TAFA1: variants seen among roughly 807,000 people sequenced by gnomAD.
The protein encoded by TAFA1 is TAFA chemokine like family member 1, also known as chemokine-like protein TAFA-1.
Under a neutral mutation model 18.5 loss-of-function variants are expected in TAFA1, and 4 were observed. The observed-to-expected ratio is 0.22, with a 90% CI of 0.11 to 0.49. The LOEUF (loss-of-function observed/expected upper bound fraction) is 0.49, where lower values mean the gene tolerates loss of function less well. TAFA1 is among the 20% of genes least tolerant of loss of function. TAFA1 has a pLI of 0.98. For missense variants in TAFA1, 147 were observed against 169.0 expected (o/e 0.87, Z 0.72); for synonymous variants, 56 against 55.2 (o/e 1.01, Z -0.06).
At chr3:68,370,516 A>ATG (rs2069683821) in intron 2 of TAFA1, among the ~76,000 whole-genome samples, 4 of 106,388 alleles carry the variant, frequency 3.8e-5, no homozygotes, top group African/African-American at 1.1e-4. Context: ...ATATATATAT[A>ATG]CCCACATATG....
intron 2 of TAFA1, among the ~76,000 whole-genome samples, chr3:68,322,040 G>A (rs1450513968): frequency 6.6e-6 from 1 of 152,104 alleles, no homozygotes; most frequent in East Asian, 1.9e-4. Context: ...ACCTTACTGT[G>A]CAATTTATAA....
chr3:68,036,927 C>A (rs1705061983), intron 2 of TAFA1, among the ~76,000 whole-genome samples: 1 of 152,162 alleles, frequency 6.6e-6, no homozygotes, highest in Non-Finnish European at 1.5e-5. Context: ...TTATTGAGCA[C>A]TTATCTAACA....
rs1005367495 is a variant in TAFA1 at position 68,417,350 on chromosome 3, A to G, written c.189A>G (p.Gln63=). 6.2e-7 allele frequency: 1 copy of G among 1,613,350 alleles called. No individual in the cohort carries two copies. The highest frequency in any genetic ancestry group is 1.3e-5 in the African/African-American group (1 of 74,842). ...AGAATCGCATTGAGGAGCGGTCACA[A>G]ACAGTAAAGTGTTCCTGTCTACCTG... is the stretch of plus-strand genomic sequence containing the variant. The part of the protein sequence containing the change: ...CNKNRIEERS[Q]TVKCSCLPGK... Residue 63 remains glutamine, a synonymous_variant, in exon 3 of 5, where the codon CAA becomes CAG. Transcript: ENST00000478136.
At chr3:68,480,296 G>A (rs896625630) in intron 3 of TAFA1, among the ~76,000 whole-genome samples, 1 of 151,980 alleles carries the variant, frequency 6.6e-6, no homozygotes, top group African/African-American at 2.4e-5. Flanking sequence ...CCAGCTACTT[G>A]GGAGGCTGAG....
chr3:68,424,023 A>C (rs879562412), intron 3 of TAFA1, among the ~76,000 whole-genome samples: 1 of 152,108 alleles, frequency 6.6e-6, no homozygotes, highest in Non-Finnish European at 1.5e-5. Flanking sequence ...AGGTTACATC[A>C]GAAAACTTTC....
At chr3:68,466,098 G>A (rs1318538731) in intron 3 of TAFA1, among the ~76,000 whole-genome samples, 1 of 151,970 alleles carries the variant, frequency 6.6e-6, no homozygotes, top group Admixed American at 6.6e-5. Flanking sequence ...CTACTTCTGG[G>A]CACATGATAG....
At chr3:68,241,043 T>C (rs917472272) in intron 2 of TAFA1, among the ~76,000 whole-genome samples, 5 of 152,186 alleles carry the variant, frequency 3.3e-5, no homozygotes, top group African/African-American at 1.2e-4. Context: ...AACACCACTA[T>C]AGATATAAAT....
At chr3:68,519,792 C>T (rs543463460) in intron 3 of TAFA1, among the ~76,000 whole-genome samples, 24 of 152,262 alleles carry the variant, frequency 1.6e-4, no homozygotes, top group African/African-American at 5.5e-4. Flanking sequence ...TCCATGAGGG[C>T]TCCACTTTCA....
intron 3 of TAFA1, among the ~76,000 whole-genome samples, chr3:68,493,047 A>T (rs1183546516): frequency 6.6e-6 from 1 of 152,198 alleles, no homozygotes; most frequent in African/African-American, 2.4e-5. Context: ...TGTACAGTTT[A>T]GTAGCATTAA....
intron 3 of TAFA1, among the ~76,000 whole-genome samples, chr3:68,445,646 C>T (rs543154549): frequency 7.2e-5 from 11 of 152,188 alleles, no homozygotes; most frequent in South Asian, 2.1e-4. Context: ...TGGCCTAAAT[C>T]GGTGGTTCTC....
intron 2 of TAFA1, among the ~76,000 whole-genome samples, chr3:68,386,970 T>C (rs2070118131): frequency 6.6e-6 from 1 of 152,136 alleles, no homozygotes; most frequent in African/African-American, 2.4e-5. Context: ...TGGAAATACA[T>C]ATACTTGCCC....
At chr3:68,498,071 C>T (rs1510358) in intron 3 of TAFA1, among the ~76,000 whole-genome samples, 35,533 of 152,006 alleles carry the variant, frequency 0.23, 4,399 homozygotes, top group Admixed American at 0.28. Flanking sequence ...TAGCTTGAGG[C>T]ACTTGGTATT....
Position 68,148,496 on chromosome 3 carries a change from A to T in TAFA1, c.118+141752A>T, listed in dbSNP as rs145341408. On this transcript the variant is annotated intron_variant, in intron 2 of 4. Transcript: ENST00000478136. ...AAATTCCAGTGATGGTAATTGTAACAGTTCACACCAGGCCCTTGATCTCAT... is the reference window on the plus strand; with the variant it reads ...AAATTCCAGTGATGGTAATTGTAACTGTTCACACCAGGCCCTTGATCTCAT... Among the ~76,000 whole-genome samples, 684 of 152,286 alleles carry T rather than the reference A, an allele frequency of 4.5e-3. 11 individuals carry two copies. The highest frequency in any genetic ancestry group is 0.016 in the African/African-American group (657 of 41,550).
chr3:68,158,106 G>A (rs139883034), intron 2 of TAFA1, among the ~76,000 whole-genome samples: 180 of 152,194 alleles, frequency 1.2e-3, no homozygotes, highest in African/African-American at 4.3e-3. Flanking sequence ...CAAATATTGA[G>A]GCCCAATCCA....
chr3:68,161,443 G>A (rs911306314), intron 2 of TAFA1, among the ~76,000 whole-genome samples: 3 of 152,094 alleles, frequency 2.0e-5, no homozygotes, highest in Admixed American at 6.5e-5. Context: ...GCCCCACCTC[G>A]GACCTGCTCG....
At chr3:68,153,116 T>A (rs1375902547) in intron 2 of TAFA1, among the ~76,000 whole-genome samples, 2 of 152,214 alleles carry the variant, frequency 1.3e-5, no homozygotes, top group African/African-American at 2.4e-5. Flanking sequence ...TTACTCTTTT[T>A]GCTCATAGTC....
intron 2 of TAFA1, among the ~76,000 whole-genome samples, chr3:68,073,907 T>G (rs1315769547): frequency 1.3e-5 from 2 of 151,902 alleles, no homozygotes; most frequent in African/African-American, 4.8e-5. Context: ...AGACCTGGGG[T>G]AGGTGGGGGA....
chr3:68,157,712 C>T (rs1179172051), intron 2 of TAFA1, among the ~76,000 whole-genome samples: 1 of 152,222 alleles, frequency 6.6e-6, no homozygotes, highest in African/African-American at 2.4e-5. Context: ...CAGTTTATCT[C>T]CAAATAGGGC....
At chr3:68,296,883 A>G (rs975228997) in intron 2 of TAFA1, among the ~76,000 whole-genome samples, 4 of 152,206 alleles carry the variant, frequency 2.6e-5, no homozygotes, top group Non-Finnish European at 4.4e-5. Context: ...AATAGCACAT[A>G]AAGGTGGGAA....
Sources: gnomAD v4.1 joint callset for allele counts (sites outside exome capture counted in the v4.1 genomes callset) on GRCh38, gnomAD v4.1.1 for gene constraint, MANE v1.5 for transcripts, NCBI Gene and HGNC (gene_info 2026-07-23, HGNC 2026-07-21) for gene names.